The following UAP1 variants were observed in gnomAD, a reference collection of about 807,000 sequenced individuals.
UAP1 encodes the protein UDP-N-acetylhexosamine pyrophosphorylase.
A neutral mutation model predicts 58.5 loss-of-function variants in UAP1; 25 were observed. That is an observed-to-expected ratio of 0.43 (90% CI 0.31 to 0.60). The LOEUF (loss-of-function observed/expected upper bound fraction) is 0.60. Among genes scored for constraint, UAP1 ranks in the 20% least tolerant of loss-of-function variants. The pLI, the probability that UAP1 is intolerant of heterozygous loss-of-function variation, is 0.11. For synonymous variants in UAP1, 208 were observed against 213.0 expected (o/e 0.98, Z 0.21); for missense variants, 575 against 630.0 (o/e 0.91, Z 0.93).
In UAP1 at chr1:162,589,192, T is replaced by A. The variant is rs1239793353; in HGVS notation, c.1169+359T>A. Among the ~76,000 whole-genome samples the A allele has an allele frequency of 2.1e-4, 14 of 68,128 alleles. No homozygotes were observed. In the South Asian group the frequency reaches 3.0e-3, roughly 15 times the overall value. The allele number at this position is 68,128 out of a possible 152,430, so 44.7% of individuals were successfully genotyped here. ...ATATAAATATTATATATAATATATA[T>A]TATATATTATATTTAAATATATATA... On this transcript the variant is annotated intron_variant, in intron 7 of 10. Coordinates refer to ENST00000271469, the Ensembl canonical transcript of UAP1.
chr1:162,590,584 C>T, intron 8 of UAP1, 73 bp downstream of exon 8: 1 of 1,301,642 alleles, frequency 7.7e-7, no homozygotes, highest in Non-Finnish European at 1.1e-6. Flanking sequence ...CTCTCTCTCT[C>T]TCTCTCTGTA....
intron 5 of UAP1, among the ~76,000 whole-genome samples, chr1:162,585,348 C>T (rs1258193116): frequency 6.6e-6 from 1 of 152,066 alleles, no homozygotes; most frequent in African/African-American, 2.4e-5. Context: ...ATCTCTGCCT[C>T]CCAGGTTCAA....
At chr1:162,590,720 ATC>A (rs1655250790) in intron 8 of UAP1, among the ~76,000 whole-genome samples, 1 of 151,938 alleles carries the variant, frequency 6.6e-6, no homozygotes, top group Middle Eastern at 3.4e-3. Context: ...AGTCTTTCAG[ATC>A]TCTCTTTTTT....
intron 2 of UAP1, among the ~76,000 whole-genome samples, chr1:162,567,937 A>T (rs534179894): frequency 6.6e-6 from 1 of 152,224 alleles, no homozygotes; most frequent in East Asian, 1.9e-4. Flanking sequence ...CTGGGATTAC[A>T]GGTTCGTACC....
At chr1:162,571,322 G>C (rs1262404775) in intron 2 of UAP1, among the ~76,000 whole-genome samples, 5 of 151,854 alleles carry the variant, frequency 3.3e-5, no homozygotes, top group Non-Finnish European at 7.4e-5. Context: ...AGAGACGGGG[G>C]TTTCAACATG....
intron 8 of UAP1, 109 bp from the exon 9 acceptor site, chr1:162,592,623 G>T: frequency 1.2e-6 from 1 of 832,044 alleles, no homozygotes; most frequent in Non-Finnish European, 2.0e-6. Context: ...ACGAATTTAT[G>T]ATTTACCATA....
chr1:162,588,647 T>C, intron 6 of UAP1, 46 bp from the exon 7 acceptor site: 1 of 1,575,718 alleles, frequency 6.3e-7, no homozygotes, highest in Non-Finnish European at 8.6e-7. Context: ...TTTCTGGCAT[T>C]TTAAATCTGG....
intron 7 of UAP1, among the ~76,000 whole-genome samples, chr1:162,589,035 CTTTTT>C (rs1250512195): frequency 1.6e-5 from 2 of 126,998 alleles, no homozygotes; most frequent in African/African-American, 5.9e-5. Flanking sequence ...ATGAGTACAA[CTTTTT>C]TTTTTTTTAA....
chr1:162,571,761 C>A (rs1315447795), intron 2 of UAP1, among the ~76,000 whole-genome samples: 1 of 152,132 alleles, frequency 6.6e-6, no homozygotes, highest in Non-Finnish European at 1.5e-5. Context: ...TATCTGTCAT[C>A]ATAAGACAGA....
At chr1:162,584,111 T>C (rs1167609020) in intron 5 of UAP1, among the ~76,000 whole-genome samples, 1 of 152,262 alleles carries the variant, frequency 6.6e-6, no homozygotes. Context: ...ACTGGTGTGC[T>C]AACTTTTGTG....
At chr1:162,563,735 T>C (rs543619404) in intron 1 of UAP1, among the ~76,000 whole-genome samples, 2 of 152,296 alleles carry the variant, frequency 1.3e-5, no homozygotes, top group East Asian at 3.9e-4. Context: ...AATGATCTTT[T>C]AGGAAAAGTT....
At chr1:162,589,713 G>A (rs1469467224) in intron 7 of UAP1, among the ~76,000 whole-genome samples, 4 of 152,178 alleles carry the variant, frequency 2.6e-5, no homozygotes, top group Non-Finnish European at 4.4e-5. Flanking sequence ...GCTCATGCCT[G>A]TAATTCCAGC....
intron 8 of UAP1, 77 bp downstream of exon 8, chr1:162,590,588 C>G: frequency 8.2e-7 from 1 of 1,226,732 alleles, no homozygotes; most frequent in Non-Finnish European, 1.1e-6. Flanking sequence ...CTCTCTCTCT[C>G]TCTGTATTCC....
At chr1:162,592,662 T>A (rs536255767) in intron 8 of UAP1, 70 bp from the exon 9 acceptor site, 1 of 1,169,772 alleles carries the variant, frequency 8.5e-7, no homozygotes, top group South Asian at 1.3e-5. Context: ...AAGTATATTT[T>A]GCAACTCCAT....
intron 2 of UAP1, among the ~76,000 whole-genome samples, chr1:162,567,231 G>C (rs1653571740): frequency 6.6e-6 from 1 of 152,160 alleles, no homozygotes; most frequent in Non-Finnish European, 1.5e-5. Context: ...TGTGTCCCAA[G>C]TTAGAATTAG....
rs138801669 is a variant in UAP1 at position 162,583,175 on chromosome 1, C to T, written c.834+1716C>T. Among the ~76,000 whole-genome samples the T allele has an allele frequency of 2.8e-3, 259 of 92,364 alleles. 5 individuals carry two copies. In the East Asian group the frequency reaches 0.07, roughly 25 times the overall value. The allele number at this position is 92,364 out of a possible 152,430, so 60.6% of individuals were successfully genotyped here. ...TTTTTTTTTTTTTTTTTTTTTGAGA[C>T]GCAGTCTTGCACTGTCGCCTGGGCC... is the stretch of plus-strand genomic sequence containing the variant. On this transcript the variant is annotated intron_variant, in intron 5 of 10. Transcript: ENST00000271469.
At chr1:162,569,032 G>T (rs964449157) in intron 2 of UAP1, among the ~76,000 whole-genome samples, 2 of 152,236 alleles carry the variant, frequency 1.3e-5, no homozygotes, top group Non-Finnish European at 2.9e-5. Context: ...TCAAAGGAAA[G>T]ATATTTATCT....
intron 6 of UAP1, among the ~76,000 whole-genome samples, chr1:162,588,454 G>A (rs964177257): frequency 6.6e-6 from 1 of 152,020 alleles, no homozygotes; most frequent in African/African-American, 2.4e-5. Context: ...AATGAATACA[G>A]TTTTAATGCA....
intron 9 of UAP1, among the ~76,000 whole-genome samples, chr1:162,594,839 T>A (rs1338912132): frequency 6.6e-6 from 1 of 152,188 alleles, no homozygotes; most frequent in Non-Finnish European, 1.5e-5. Flanking sequence ...ATAATTAAAG[T>A]GAAATCAAAG....
Sources: gnomAD v4.1 joint callset for allele counts (sites outside exome capture counted in the v4.1 genomes callset) on GRCh38, gnomAD v4.1.1 for gene constraint, MANE v1.5 for transcripts, NCBI Gene and HGNC (gene_info 2026-07-23, HGNC 2026-07-21) for gene names.